The following NBEA variants were observed in gnomAD, a reference collection of about 807,000 sequenced individuals.
NBEA encodes the protein neurobeachin.
Under a neutral mutation model 343.4 loss-of-function variants are expected in NBEA, and 44 were observed. The observed-to-expected ratio is 0.13, with a 90% CI of 0.10 to 0.16. The LOEUF is 0.16. Ranked by LOEUF, NBEA falls within the 10% of genes least tolerant of loss-of-function variation. The probability of loss-of-function intolerance (pLI) is 1.00; values close to 1 mark genes in which losing one functional copy is unlikely to be tolerated. For missense variants in NBEA, 2,555 were observed against 3,631.3 expected (o/e 0.70, Z 7.62); for synonymous variants, 1,175 against 1,238.7 (o/e 0.95, Z 1.08).
intron 30 of NBEA, among the ~76,000 whole-genome samples, chr13:35,187,829 C>A (rs1173465095): frequency 6.6e-6 from 1 of 152,054 alleles, no homozygotes; most frequent in Non-Finnish European, 1.5e-5. Context: ...TCATGCTATT[C>A]TTTCTTTTGC....
intron 33 of NBEA, among the ~76,000 whole-genome samples, chr13:35,228,466 T>C (rs2074788387): frequency 6.6e-6 from 1 of 152,046 alleles, no homozygotes; most frequent in Non-Finnish European, 1.5e-5. Context: ...GGGCTTTTAG[T>C]GTATTCATCA....
At chr13:35,082,891 T>G (rs2064500763) in intron 10 of NBEA, among the ~76,000 whole-genome samples, 1 of 152,200 alleles carries the variant, frequency 6.6e-6, no homozygotes, top group Non-Finnish European at 1.5e-5. Context: ...TGATGGTAGT[T>G]TCTTTTGCTG....
At chr13:35,597,801 A>T (rs936698385) in intron 47 of NBEA, among the ~76,000 whole-genome samples, 1 of 152,128 alleles carries the variant, frequency 6.6e-6, no homozygotes, top group Non-Finnish European at 1.5e-5. Context: ...ACATCATGTT[A>T]CTTCCACAGC....
intron 39 of NBEA, among the ~76,000 whole-genome samples, chr13:35,448,190 G>A (rs1323687817): frequency 2.0e-5 from 3 of 151,974 alleles, no homozygotes; most frequent in Non-Finnish European, 4.4e-5. Context: ...AAAACCAGAG[G>A]GGATAAAATT....
At chr13:35,184,165 G>C in intron 30 of NBEA, 94 bp downstream of exon 30, 2 of 852,854 alleles carry the variant, frequency 2.3e-6, no homozygotes, top group South Asian at 2.2e-5. Context: ...TTATAAATAA[G>C]TATATACCTC....
intron 34 of NBEA, among the ~76,000 whole-genome samples, chr13:35,266,487 C>G (rs1038891530): frequency 6.6e-6 from 1 of 151,934 alleles, no homozygotes; most frequent in Non-Finnish European, 1.5e-5. Context: ...TATATATACA[C>G]AGTGGAATAC....
chr13:35,244,880 G>A lies in NBEA; in HGVS notation c.5776+12261G>A, dbSNP rs73491684. ...TTTGCAGCTATTGTAAAGGGGTTGA[G>A]TTCTTGATTAGATTCTCGGCCTGGT... On this transcript the variant is annotated intron_variant, in intron 34 of 58. Transcript: ENST00000379939. Among the ~76,000 whole-genome samples the A allele has an allele frequency of 6.4e-3, 977 of 152,184 alleles. 11 individuals are homozygous for A. The highest frequency in any genetic ancestry group is 0.023 in the African/African-American group (936 of 41,554).
intron 38 of NBEA, among the ~76,000 whole-genome samples, chr13:35,421,134 C>G (rs1238002282): frequency 6.6e-6 from 1 of 151,764 alleles, no homozygotes; most frequent in African/African-American, 2.4e-5. Context: ...ATAGATTACC[C>G]TCTCAGTTCT....
At chr13:35,418,350 CTTA>C (rs779750909) in intron 38 of NBEA, among the ~76,000 whole-genome samples, 33 of 151,874 alleles carry the variant, frequency 2.2e-4, no homozygotes, top group Non-Finnish European at 3.8e-4. Context: ...AGAAGAATAA[CTTA>C]TTATGTTGAA....
chr13:35,421,265 T>A lies in NBEA; in HGVS notation c.6180-11004T>A, dbSNP rs187840613. 1.3e-4 allele frequency among the ~76,000 whole-genome samples: 20 copies of A among 152,146 alleles called. No homozygotes were observed. In the East Asian group the frequency reaches 3.7e-3, roughly 28 times the overall value. On this transcript the variant is annotated intron_variant, in intron 38 of 58. Transcript: ENST00000379939. The stretch of plus-strand genomic sequence containing the variant: ...TCAAGGGTTATTTATTTTTTCTGCC[T>A]TCCTGTGGGTGACTTGGTCATTTTT...
At chr13:35,220,026 G>A (rs962400678) in intron 33 of NBEA, among the ~76,000 whole-genome samples, 1 of 152,134 alleles carries the variant, frequency 6.6e-6, no homozygotes, top group Non-Finnish European at 1.5e-5. Flanking sequence ...TCATGCTGAT[G>A]CTGCTGGTCC....
rs529589009 is a variant in NBEA at position 35,558,428 on chromosome 13, A to G, written c.6922+3326A>G. On this transcript the variant is annotated intron_variant, in intron 44 of 58. Coordinates refer to ENST00000379939, the MANE Select transcript of NBEA (RefSeq NM_001385012.1). Reference sequence around the variant, plus strand: ...TTAAATTGGGAATTGAAATATGATTAAGAGTTCACTAGAAAGTAGGCAGAG... The same window carrying G: ...TTAAATTGGGAATTGAAATATGATTGAGAGTTCACTAGAAAGTAGGCAGAG... Among the ~76,000 whole-genome samples, 4 of 152,304 alleles carry G rather than the reference A, an allele frequency of 2.6e-5. No individual in the cohort carries two copies. In the East Asian group the frequency reaches 7.7e-4, roughly 29 times the overall value.
At chr13:35,024,212 T>C (rs911826586) in intron 1 of NBEA, among the ~76,000 whole-genome samples, 19 of 152,220 alleles carry the variant, frequency 1.2e-4, no homozygotes, top group African/African-American at 4.6e-4. Flanking sequence ...ATGGTGTATA[T>C]GCACCACATT....
chr13:35,258,795 A>C (rs994552175), intron 34 of NBEA, among the ~76,000 whole-genome samples: 9 of 152,290 alleles, frequency 5.9e-5, no homozygotes, highest in African/African-American at 2.2e-4. Flanking sequence ...TTTAAATTTT[A>C]ATGATGGTGC....
Position 35,665,199 on chromosome 13 carries a change from T to G in NBEA, c.8464+13T>G. The G allele has an allele frequency of 6.4e-7, 1 of 1,553,508 alleles. No individual in the cohort carries two copies. Among genetic ancestry groups the G allele is most frequent in the Non-Finnish European group, 8.8e-7 (1 of 1,140,842 alleles). The stretch of plus-strand genomic sequence containing the variant: ...AGTGGTGCTAAAGGTCAGAAGTCAT[T>G]TCTTTCATTTTCAATGTCTAGAAGA... On this transcript the variant is annotated intron_variant, in intron 56 of 58. Coordinates refer to ENST00000379939, the MANE Select transcript of NBEA (RefSeq NM_001385012.1).
chr13:35,583,979 T>A lies in NBEA; in HGVS notation c.7117T>A (p.Tyr2373Asn), dbSNP rs747625950. 1.2e-5 allele frequency: 20 copies of A among 1,613,332 alleles called. No homozygotes were observed. The highest frequency in any genetic ancestry group is 1.7e-5 in the Non-Finnish European group (20 of 1,179,518). The change falls in exon 46 of 59, where the codon TAC becomes AAC. Residue 2373 changes from tyrosine to asparagine, a missense_variant. Physicochemically the swap from Tyr to Asn is moderately radical, Grantham distance 143. Around this residue, in one of 21 missense-constraint regions of NBEA, gnomAD observed 156 missense variants for 185.8 expected, o/e 0.84. Coordinates refer to ENST00000379939, the MANE Select transcript of NBEA (RefSeq NM_001385012.1). ...ETWEDDQSPP[Y>N]HYNTHYSTAT... ...ATGGGAAGATGATCAAAGCCCACCC[T>A]ACCATTATAATACCCATTATTCAAC... is the stretch of plus-strand genomic sequence containing the variant.
chr13:35,352,243 T>C lies in NBEA; in HGVS notation c.6099T>C (p.His2033=), dbSNP rs1385491560. The change falls in exon 38 of 59, where the codon CAT becomes CAC. Residue 2033 remains histidine, a synonymous_variant. Transcript: ENST00000379939. Reference sequence around the variant, plus strand: ...TCAGTGCTGCTAAACATCGAGATCATGTAACAGCAAATCAGCTGAAACAGA... The same window carrying C: ...TCAGTGCTGCTAAACATCGAGATCACGTAACAGCAAATCAGCTGAAACAGA... ...HLISAAKHRD[H]VTANQLKQKI... is the part of the protein sequence containing the mutation. The C allele has an allele frequency of 6.4e-7, 1 of 1,569,524 alleles. No individual in the cohort carries two copies. The highest frequency in any genetic ancestry group is 1.8e-5 in the Admixed American group (1 of 56,374).
At chr13:35,247,390 C>G (rs1344071117) in intron 34 of NBEA, among the ~76,000 whole-genome samples, 1 of 152,176 alleles carries the variant, frequency 6.6e-6, no homozygotes, top group Non-Finnish European at 1.5e-5. Context: ...GGCAGCCCTC[C>G]CCAAAGACCC....
intron 36 of NBEA, among the ~76,000 whole-genome samples, chr13:35,312,089 A>G (rs2037407193): frequency 1.3e-5 from 2 of 152,228 alleles, no homozygotes; most frequent in African/African-American, 4.8e-5. Context: ...TACTGCTATA[A>G]GAGTTAGGAA....
Sources: gnomAD v4.1 joint callset for allele counts (sites outside exome capture counted in the v4.1 genomes callset) on GRCh38, gnomAD v4.1.1 for gene constraint, gnomAD v4.1.1 regional missense constraint, MANE v1.5 for transcripts, NCBI Gene and HGNC (gene_info 2026-07-23, HGNC 2026-07-21) for gene names.